Variants in NEB observed in about 807,000 individuals in gnomAD.
The protein encoded by NEB is nemaline myopathy type 2.
In NEB, 512 loss-of-function variants were observed where a neutral mutation model predicts 952.2. That is an observed-to-expected ratio of 0.54 (90% CI 0.50 to 0.58). NEB has a LOEUF of 0.58. Ranked by LOEUF, NEB falls within the 20% of genes least tolerant of loss-of-function variation. NEB has a pLI of 0.00. For missense variants in NEB, 8,428 were observed against 9,231.1 expected, an observed-to-expected ratio of 0.91 and a Z score of 3.56; for synonymous variants, 2,900 against 3,149.8, an observed-to-expected ratio of 0.92 and a Z score of 2.66.
Position 151,535,712 on chromosome 2 carries a change from A to C in NEB, c.21291T>G (p.Tyr7097Ter). Residue 7097 changes from tyrosine (Y) to a stop codon, truncating the protein, a stop_gained, in exon 142 of 182, where the codon TAT becomes TAG. Transcript: ENST00000397345. LOFTEE classifies it high-confidence loss of function. ...ADSPINRHFKYATQLMNERKY... is the reference protein window; with the variant it reads ...ADSPINRHFK ...ATACCTCATTCATCAATTGAGTTGC[A>C]TACTTGAAATGCCTATTGATCGGAG... 1 of 1,607,528 alleles carries C rather than the reference A, an allele frequency of 6.2e-7. No individual in the cohort carries two copies. The highest frequency in any genetic ancestry group is 8.5e-7 in the Non-Finnish European group (1 of 1,176,022).
chr2:151,536,571 G>A (rs188248744), intron 141 of NEB, among the ~76,000 whole-genome samples: 26 of 152,244 alleles, frequency 1.7e-4, no homozygotes, highest in Middle Eastern at 3.4e-3. Flanking sequence ...ATTAGAATGG[G>A]TTTCACCATT....
intron 106 of NEB, among the ~76,000 whole-genome samples, 168 bp downstream of exon 106, chr2:151,575,983 T>C (rs2096815067): frequency 6.6e-6 from 1 of 152,158 alleles, no homozygotes; most frequent in African/African-American, 2.4e-5. Context: ...TTCCCTTTTA[T>C]TAGAGTTTTT....
Position 151,677,964 on chromosome 2 carries a change from T to G in NEB, c.3479A>C (p.Asn1160Thr), listed in dbSNP as rs1408270184. 2 of 1,613,936 alleles carry G rather than the reference T, an allele frequency of 1.2e-6. No individual in the cohort carries two copies. The highest frequency in any genetic ancestry group is 2.2e-5 in the South Asian group (2 of 91,078). ...GTAATGATGGAGAGAATGCTTATAG[T>G]TGACATTGCTGACCACATCCTGGGC... ...KKAQDVVSNV[N>T]YKHSLHHYTY... The change falls in exon 33 of 182, where the codon AAC becomes ACC. Residue 1160 changes from asparagine (N) to threonine (T), a missense_variant. Asn to Thr is a moderately conservative substitution (Grantham distance 65). Around this residue, in one of 11 missense-constraint regions of NEB, gnomAD observed 2,851 missense variants for 2,791.5 expected, o/e 1.02. Coordinates refer to ENST00000397345, the MANE Select transcript of NEB (RefSeq NM_001164508.2).
At chr2:151,714,419 C>G (rs1318205983) in intron 10 of NEB, among the ~76,000 whole-genome samples, 1 of 152,300 alleles carries the variant, frequency 6.6e-6, no homozygotes, top group East Asian at 1.9e-4. Context: ...TTCCTCTTCT[C>G]CCCACTCCCC....
chr2:151,492,093 G>GT lies in NEB; in HGVS notation c.25057+4dup. 1 of 1,613,574 alleles carries GT rather than the reference G, an allele frequency of 6.2e-7. No homozygotes were observed. Among genetic ancestry groups the GT allele is most frequent in the Non-Finnish European group, 8.5e-7 (1 of 1,179,628 alleles). On this transcript the variant is annotated splice_donor_region_variant and intron_variant, in intron 178 of 181. Coordinates refer to ENST00000397345, the MANE Select transcript of NEB (RefSeq NM_001164508.2). ...AATCCCCTCCCCCAACCCAGGCTCAGTTACCTGTAATAGTCTCCTGATCTT... is the reference window on the plus strand; with the variant it reads ...AATCCCCTCCCCCAACCCAGGCTCAGTTTACCTGTAATAGTCTCCTGATCTT...
intron 9 of NEB, 66 bp from the exon 10 acceptor site, chr2:151,717,586 T>A: frequency 8.8e-7 from 1 of 1,141,762 alleles, no homozygotes; most frequent in Non-Finnish European, 1.3e-6. Flanking sequence ...TTTGAAGTCT[T>A]AAATTTTAGT....
rs895630111 is a variant in NEB, at chr2:151,562,178, T to C, written c.18928A>G (p.Ile6310Val). 7.4e-6 allele frequency: 12 copies of C among 1,613,478 alleles called. No homozygotes were observed. The highest frequency in any genetic ancestry group is 1.0e-5 in the Non-Finnish European group (12 of 1,179,596). ...GGTGTATCCCAAACGTAGCAACCAATGCCTTTCAACCAATTCAGGTCATCT... is the reference window on the plus strand; with the variant it reads ...GGTGTATCCCAAACGTAGCAACCAACGCCTTTCAACCAATTCAGGTCATCT... The part of the protein sequence containing the change: ...YKDDLNWLKG[I>V]GCYVWDTPQI... Residue 6310 changes from isoleucine (I) to valine (V), a missense_variant, in exon 121 of 182, where the codon ATT (isoleucine) becomes GTT (valine). This residue lies in a region of NEB where 3,374 missense variants were observed against 3,651.5 expected (regional missense o/e 0.92). Transcript: ENST00000397345.
rs2154199724 is a variant in NEB at position 151,675,311 on chromosome 2, C to T, written c.3855G>A (p.Lys1285=). The T allele has an allele frequency of 2.5e-6, 4 of 1,592,398 alleles. No individual in the cohort carries two copies. In the South Asian group the frequency reaches 4.6e-5, roughly 18 times the overall value. ...SPDLPQFLQA[K]CNAYNISDVC... is the part of the protein sequence containing the mutation. Reference sequence around the variant, plus strand: ...CGTCACTTATATTGTAAGCATTGCACTTGGCCTGGAGAAACTGAGGAAGAT... The same window carrying T: ...CGTCACTTATATTGTAAGCATTGCATTTGGCCTGGAGAAACTGAGGAAGAT... The change falls in exon 35 of 182, where the codon AAG becomes AAA. Residue 1285 remains lysine, a synonymous_variant. Coordinates refer to ENST00000397345, the MANE Select transcript of NEB (RefSeq NM_001164508.2).
Position 151,562,696 on chromosome 2 carries a change from T to C in NEB, c.18806A>G (p.Tyr6269Cys). ...CGTCCACTGGTGGAAATAGTGTCGA[T>C]ACTCCAGGTCACTGAGGATGTACTG... Reference protein sequence around the residue: ...RCQYILSDLEYRHYFHQWTSL... With the variant: ...RCQYILSDLECRHYFHQWTSL... Residue 6269 changes from tyrosine to cysteine, a missense_variant, in exon 120 of 182, where the codon TAT becomes TGT. Physicochemically the swap from Tyr to Cys is radical, Grantham distance 194. Transcript: ENST00000397345. 1 of 1,607,130 alleles carries C rather than the reference T, an allele frequency of 6.2e-7. No homozygotes were observed. The highest frequency in any genetic ancestry group is 8.5e-7 in the Non-Finnish European group (1 of 1,175,660).
chr2:151,654,766 G>A (rs1213591982), intron 51 of NEB, among the ~76,000 whole-genome samples: 1 of 152,162 alleles, frequency 6.6e-6, no homozygotes, highest in African/African-American at 2.4e-5. Context: ...GACTTAGATA[G>A]GTAATTGAGT....
At chr2:151,683,764 C>A (rs1028344446) in intron 28 of NEB, among the ~76,000 whole-genome samples, 2 of 152,090 alleles carry the variant, frequency 1.3e-5, no homozygotes, top group African/African-American at 4.8e-5. Flanking sequence ...ATTCACATGC[C>A]CATATTCATA....
chr2:151,507,073 G>T, intron 162 of NEB, 60 bp from the exon 163 acceptor site: 2 of 1,060,646 alleles, frequency 1.9e-6, no homozygotes, highest in Non-Finnish European at 2.9e-6. Flanking sequence ...TTCTTTATTT[G>T]TCCTATATTA....
chr2:151,567,567 A>G, intron 113 of NEB, 88 bp from the exon 114 acceptor site: 2 of 1,250,490 alleles, frequency 1.6e-6, no homozygotes, highest in Non-Finnish European at 2.2e-6. Context: ...GATATCAGCA[A>G]ATTCAGCCCC....
In NEB at chr2:151,618,326, C is replaced by T. The variant is rs199789085; in HGVS notation, c.11025G>A (p.Thr3675=). The T allele has an allele frequency of 7.9e-5, 127 of 1,613,894 alleles. No homozygotes were observed. The East Asian group carries it at 1.5e-3, about 19-fold the overall frequency. The change falls in exon 74 of 182, where the codon ACG becomes ACA. Residue 3675 remains threonine, a synonymous_variant. Transcript: ENST00000397345. The part of the protein sequence containing the change: ...RPETLKFTSI[T]DTPEQVLAKN... ...TTGCCAGCACCTGCTCCGGAGTGTCCGTTATACTGGTAAATTTCAGCGTTT... is the reference window on the plus strand; with the variant it reads ...TTGCCAGCACCTGCTCCGGAGTGTCTGTTATACTGGTAAATTTCAGCGTTT...
At chr2:151,533,415 CCTT>C in intron 143 of NEB, 24 bp downstream of exon 143, 1 of 1,463,276 alleles carries the variant, frequency 6.8e-7, no homozygotes, top group Non-Finnish European at 9.4e-7. Context: ...TTCTAAACCT[CCTT>C]CTTCACATCC....
chr2:151,678,843 G>A (rs2099393328), intron 32 of NEB, among the ~76,000 whole-genome samples: 1 of 152,106 alleles, frequency 6.6e-6, no homozygotes. Flanking sequence ...GAGAAAGGGG[G>A]TGGGTGAGAA....
rs901213929 is a variant in NEB at position 151,706,935 on chromosome 2, A to G, written c.1098T>C (p.Ala366=). Residue 366 remains alanine, a synonymous_variant, in exon 13 of 182, where the codon GCT becomes GCC. Coordinates refer to ENST00000397345, the MANE Select transcript of NEB (RefSeq NM_001164508.2). ...GCTGCCTAAGCTGTGGGTTCTCTGA[A>G]GCAGGAAGCACATTATAATCTGCTT... ...KGKADYNVLP[A]SENPQLRQLK... 4.4e-6 allele frequency: 7 copies of G among 1,606,474 alleles called. No homozygotes were observed. The East Asian group carries it at 1.3e-4, about 31-fold the overall frequency.
At chr2:151,725,824 CTTTT>C (rs1045461345) in intron 5 of NEB, among the ~76,000 whole-genome samples, 3 of 151,230 alleles carry the variant, frequency 2.0e-5, no homozygotes, top group African/African-American at 7.3e-5. Context: ...TTCTTTCAAT[CTTTT>C]TTTTTGTCTG....
intron 164 of NEB, chr2:151,505,884 G>T (rs3815852): frequency 3.7e-6 from 2 of 537,826 alleles, no homozygotes; most frequent in Non-Finnish European, 6.6e-6. Context: ...TAAACAGATT[G>T]ACATACATAT....
Sources: gnomAD v4.1 joint callset for allele counts (sites outside exome capture counted in the v4.1 genomes callset) on GRCh38, gnomAD v4.1.1 for gene constraint, gnomAD v4.1.1 regional missense constraint, MANE v1.5 for transcripts, NCBI Gene and HGNC (gene_info 2026-07-23, HGNC 2026-07-21) for gene names.